Variants in TSHZ2 observed in about 807,000 individuals in gnomAD.
TSHZ2 encodes teashirt zinc finger homeobox 2.
Under a neutral mutation model 74.4 loss-of-function variants are expected in TSHZ2, and 21 were observed. The ratio of observed to expected loss-of-function variants is 0.28; its 90% CI spans 0.20 to 0.41. The LOEUF is 0.41. TSHZ2 is among the 10% of genes least tolerant of loss of function. The pLI, the probability that TSHZ2 is intolerant of heterozygous loss-of-function variation, is 1.00. For synonymous variants in TSHZ2, 540 were observed against 515.3 expected (o/e 1.05, Z -0.65); for missense variants, 1,244 against 1,293.5 (o/e 0.96, Z 0.59).
chr20:53,163,457 T>TTTTGTTTTA (rs61400951), intron 1 of TSHZ2, among the ~76,000 whole-genome samples: 1 of 137,566 alleles, frequency 7.3e-6, no homozygotes, highest in African/African-American at 3.3e-5. Context: ...TTTTATTTTA[T>TTTTGTTTTA]TTTTTTTTAT....
chr20:53,146,964 T>C (rs756494069), intron 1 of TSHZ2, among the ~76,000 whole-genome samples: 2 of 152,236 alleles, frequency 1.3e-5, no homozygotes, highest in Non-Finnish European at 2.9e-5. Flanking sequence ...AACCAGTTAG[T>C]ATTTATAAAG....
At chr20:52,998,487 G>C (rs191748798) in intron 1 of TSHZ2, among the ~76,000 whole-genome samples, 1 of 152,088 alleles carries the variant, frequency 6.6e-6, no homozygotes, top group Admixed American at 6.6e-5. Flanking sequence ...CCCTCTTCTT[G>C]GTCTAGTTAA....
At chr20:53,370,992 C>G (rs1420108235) in intron 2 of TSHZ2, among the ~76,000 whole-genome samples, 1 of 152,174 alleles carries the variant, frequency 6.6e-6, no homozygotes, top group Middle Eastern at 3.2e-3. Context: ...CCCATCCTGG[C>G]CTCTTCCAGC....
At chr20:53,200,098 C>A (rs926017148) in intron 1 of TSHZ2, among the ~76,000 whole-genome samples, 1 of 152,146 alleles carries the variant, frequency 6.6e-6, no homozygotes, top group Admixed American at 6.5e-5. Context: ...TATGGAACAC[C>A]AAGACGCTTT....
Position 53,373,225 on chromosome 20 carries a change from C to T in TSHZ2, c.*9-113919C>T, listed in dbSNP as rs73278219. On this transcript the variant is annotated intron_variant, in intron 2 of 2. Coordinates refer to ENST00000371497, the MANE Select transcript of TSHZ2 (RefSeq NM_173485.6). ...TTCTATAATTCTGAACATTTGCTGACGACTTTGACTGGTTTGGTATTTATT... is the reference window on the plus strand; with the variant it reads ...TTCTATAATTCTGAACATTTGCTGATGACTTTGACTGGTTTGGTATTTATT... Among the ~76,000 whole-genome samples, 669 of 152,240 alleles carry T rather than the reference C, an allele frequency of 4.4e-3. 2 individuals are homozygous for T. Among genetic ancestry groups the T allele is most frequent in the African/African-American group, 0.014 (594 of 41,530 alleles).
intron 1 of TSHZ2, among the ~76,000 whole-genome samples, chr20:53,135,776 A>T (rs1379667768): frequency 2.8e-5 from 4 of 144,964 alleles, no homozygotes; most frequent in Non-Finnish European, 1.5e-5. Context: ...CTAATGTTTT[A>T]TTTTTTTTTT....
At chr20:52,999,423 C>A (rs930650962) in intron 1 of TSHZ2, among the ~76,000 whole-genome samples, 1 of 152,186 alleles carries the variant, frequency 6.6e-6, no homozygotes. Context: ...GGGCTATAAA[C>A]CATAGAGCCT....
At chr20:53,369,805 A>C (rs1981403288) in intron 2 of TSHZ2, among the ~76,000 whole-genome samples, 1 of 152,194 alleles carries the variant, frequency 6.6e-6, no homozygotes, top group South Asian at 2.1e-4. Flanking sequence ...AGTAGAAGAA[A>C]GGCAATGAGG....
chr20:53,345,068 A>G (rs574591107), intron 2 of TSHZ2, among the ~76,000 whole-genome samples: 1 of 152,328 alleles, frequency 6.6e-6, no homozygotes, highest in African/African-American at 2.4e-5. Flanking sequence ...ATCTCATGAG[A>G]AAAAAAGAGC....
At chr20:53,464,338 T>C (rs1985491264) in intron 2 of TSHZ2, among the ~76,000 whole-genome samples, 1 of 152,216 alleles carries the variant, frequency 6.6e-6, no homozygotes, top group Non-Finnish European at 1.5e-5. Flanking sequence ...AGAAAAGATC[T>C]TTCTGACAAC....
At chr20:53,330,271 C>A (rs973753048) in intron 2 of TSHZ2, among the ~76,000 whole-genome samples, 1 of 152,102 alleles carries the variant, frequency 6.6e-6, no homozygotes, top group African/African-American at 2.4e-5. Context: ...GCACCCTTTC[C>A]GAAGCTTCCC....
chr20:53,370,711 C>T (rs1489306565), intron 2 of TSHZ2, among the ~76,000 whole-genome samples: 1 of 152,060 alleles, frequency 6.6e-6, no homozygotes, highest in Non-Finnish European at 1.5e-5. Flanking sequence ...CTGCAGTGAG[C>T]CGTGATGATG....
chr20:53,256,210 A>T lies in TSHZ2; in HGVS notation c.2752A>T (p.Asn918Tyr). Residue 918 changes from asparagine (N) to tyrosine (Y), a missense_variant, in exon 2 of 3, where the codon AAC becomes TAC. Physicochemically the swap from Asn to Tyr is moderately radical, Grantham distance 143 (BLOSUM62 -2). Coordinates refer to ENST00000371497, the MANE Select transcript of TSHZ2 (RefSeq NM_173485.6). The surrounding 1 kb of genome is among the most constrained non-coding windows in gnomAD (Gnocchi z 4.3). ...RKTGGTKFLKNMDKGHPIFYC... is the reference protein window; with the variant it reads ...RKTGGTKFLKYMDKGHPIFYC... ...AACGGGCGGGACAAAATTTCTGAAA[A>T]ACATGGACAAAGGCCACCCCATCTT... is the stretch of plus-strand genomic sequence containing the variant. The T allele has an allele frequency of 6.2e-7, 1 of 1,613,372 alleles. No individual in the cohort carries two copies. The highest frequency in any genetic ancestry group is 8.5e-7 in the Non-Finnish European group (1 of 1,179,446).
intron 1 of TSHZ2, among the ~76,000 whole-genome samples, chr20:53,035,647 G>A (rs569975371): frequency 9.3e-4 from 142 of 152,156 alleles, no homozygotes; most frequent in Non-Finnish European, 1.3e-3. Flanking sequence ...CATATATGTC[G>A]CTCCAAGCTG....
intron 1 of TSHZ2, among the ~76,000 whole-genome samples, chr20:53,151,316 G>A (rs924301228): frequency 3.3e-5 from 5 of 152,150 alleles, no homozygotes; most frequent in Non-Finnish European, 5.9e-5. Context: ...ATCAAGCCTC[G>A]GCTAATGGGT....
chr20:53,403,980 A>G (rs1302718951), intron 2 of TSHZ2, among the ~76,000 whole-genome samples: 2 of 152,240 alleles, frequency 1.3e-5, no homozygotes, highest in African/African-American at 2.4e-5. Flanking sequence ...GCAGTCTTTT[A>G]ATAATCAAAA....
In TSHZ2 at chr20:53,436,538, TATTA is replaced by T. The variant is rs1389759200; in HGVS notation, c.*9-50605_*9-50602del. Among the ~76,000 whole-genome samples, 525 of 94,460 alleles carry T rather than the reference TATTA, an allele frequency of 5.6e-3. 8 individuals are homozygous for T. The highest frequency in any genetic ancestry group is 0.022 in the African/African-American group (499 of 22,326). The allele number at this position is 94,460 out of a possible 152,430, so 62.0% of individuals were successfully genotyped here. ...TATTTTATTTATTTATTATTATTAT[TATTA>T]TTATTATTTTTTTTTTTTTTTTAGA... On this transcript the variant is annotated intron_variant, in intron 2 of 2. Coordinates refer to ENST00000371497, the MANE Select transcript of TSHZ2 (RefSeq NM_173485.6).
chr20:53,349,815 C>A (rs1330788700), intron 2 of TSHZ2, among the ~76,000 whole-genome samples: 2 of 152,198 alleles, frequency 1.3e-5, no homozygotes, highest in African/African-American at 4.8e-5. Context: ...CAAGTTAGCA[C>A]AAACAGTGGC....
chr20:53,133,832 T>C (rs1347606535), intron 1 of TSHZ2, among the ~76,000 whole-genome samples: 1 of 152,112 alleles, frequency 6.6e-6, no homozygotes, highest in Non-Finnish European at 1.5e-5. Context: ...CTATGGGGTG[T>C]GTTCAGCACC....
Sources: gnomAD v4.1 joint callset for allele counts (sites outside exome capture counted in the v4.1 genomes callset) on GRCh38, gnomAD v4.1.1 for gene constraint, Gnocchi (gnomAD v3.1) non-coding constraint, MANE v1.5 for transcripts, NCBI Gene and HGNC (gene_info 2026-07-23, HGNC 2026-07-21) for gene names.